CCDC91: variants seen among roughly 807,000 people sequenced by gnomAD.
CCDC91 encodes coiled-coil domain containing 91.
A neutral mutation model predicts 63.2 loss-of-function variants in CCDC91; 48 were observed. The ratio of observed to expected loss-of-function variants is 0.76; its 90% CI spans 0.60 to 0.97. CCDC91 has a LOEUF of 0.97. Among genes scored for constraint, CCDC91 ranks in the 50% least tolerant of loss-of-function variants. The probability of loss-of-function intolerance (pLI) is 0.00; values close to 1 mark genes in which losing one functional copy is unlikely to be tolerated. For synonymous variants in CCDC91, 167 were observed against 165.8 expected, an observed-to-expected ratio of 1.01 and a Z score of -0.06; for missense variants, 500 against 494.6, an observed-to-expected ratio of 1.01 and a Z score of -0.10.
chr12:28,427,062 A>T (rs1592642065), intron 8 of CCDC91, among the ~76,000 whole-genome samples: 1 of 151,558 alleles, frequency 6.6e-6, no homozygotes, highest in South Asian at 2.1e-4. Flanking sequence ...TTATACAGAG[A>T]CTTACAGCTC....
intron 12 of CCDC91, among the ~76,000 whole-genome samples, chr12:28,517,810 C>G (rs533335732): frequency 1.3e-5 from 2 of 151,824 alleles, no homozygotes; most frequent in Non-Finnish European, 2.9e-5. Context: ...CCCTGAGTCC[C>G]GAAAGTCCAC....
intron 1 of CCDC91, among the ~76,000 whole-genome samples, chr12:28,237,985 A>C (rs1192936003): frequency 6.6e-6 from 1 of 152,008 alleles, no homozygotes; most frequent in Non-Finnish European, 1.5e-5. Flanking sequence ...ATTAATTCTT[A>C]ATTTTTTCCC....
chr12:28,253,001 A>G (rs1946225601), intron 1 of CCDC91, among the ~76,000 whole-genome samples: 1 of 152,188 alleles, frequency 6.6e-6, no homozygotes, highest in Non-Finnish European at 1.5e-5. Context: ...TAAAATGCCC[A>G]ATGTAACACA....
chr12:28,344,585 G>C (rs1942675423), intron 6 of CCDC91, among the ~76,000 whole-genome samples: 1 of 152,078 alleles, frequency 6.6e-6, no homozygotes, highest in East Asian at 1.9e-4. Flanking sequence ...TATCCTCCCA[G>C]TTGTCATCAA....
chr12:28,278,199 A>G (rs1193037287), intron 3 of CCDC91, among the ~76,000 whole-genome samples: 3 of 151,876 alleles, frequency 2.0e-5, no homozygotes, highest in Non-Finnish European at 4.4e-5. Flanking sequence ...GGCATTTTAT[A>G]CTGTTAGCTA....
At chr12:28,327,481 C>G (rs991905107) in intron 6 of CCDC91, among the ~76,000 whole-genome samples, 1 of 152,088 alleles carries the variant, frequency 6.6e-6, no homozygotes, top group Non-Finnish European at 1.5e-5. Context: ...ATCTTCCTTG[C>G]ACTATGTAAA....
chr12:28,481,582 C>A (rs1365484883), intron 11 of CCDC91, among the ~76,000 whole-genome samples: 1 of 151,960 alleles, frequency 6.6e-6, no homozygotes, highest in Non-Finnish European at 1.5e-5. Context: ...TATTCACATA[C>A]CACTTGCATA....
intron 1 of CCDC91, among the ~76,000 whole-genome samples, chr12:28,231,062 A>C (rs1425970907): frequency 2.6e-5 from 4 of 152,168 alleles, no homozygotes; most frequent in African/African-American, 9.7e-5. Context: ...TTGATAGGAC[A>C]CTATACTAGA....
rs146297958 is a variant in CCDC91 at position 28,334,905 on chromosome 12, ATCAG to A, written c.576+27163_576+27166del. ...GATAGGTATATAGCCTGTTCGTTTC[ATCAG>A]TCAGTCTTCTAAAATGTCTCCTTAA... On this transcript the variant is annotated intron_variant, in intron 6 of 12. Coordinates refer to ENST00000536442, the MANE Select transcript of CCDC91 (RefSeq NM_018318.5). Among the ~76,000 whole-genome samples the A allele has an allele frequency of 1.5e-3, 231 of 151,836 alleles. 1 individual carries two copies. The highest frequency in any genetic ancestry group is 5.2e-3 in the African/African-American group (215 of 41,450).
At chr12:28,344,304 T>G (rs1256149862) in intron 6 of CCDC91, among the ~76,000 whole-genome samples, 2 of 152,092 alleles carry the variant, frequency 1.3e-5, no homozygotes, top group Non-Finnish European at 2.9e-5. Context: ...CAACAGATAA[T>G]ATTTGCCTAT....
intron 3 of CCDC91, among the ~76,000 whole-genome samples, chr12:28,300,689 A>G (rs1165546516): frequency 6.6e-6 from 1 of 151,526 alleles, no homozygotes; most frequent in Admixed American, 6.6e-5. Flanking sequence ...AAGCCTATAC[A>G]TTAATTAAGA....
Position 28,257,213 on chromosome 12 carries a change from A to C in CCDC91, c.-3A>C, listed in dbSNP as rs771939694. On this transcript the variant is annotated 5_prime_UTR_variant, in exon 2 of 13. Coordinates refer to ENST00000536442, the MANE Select transcript of CCDC91 (RefSeq NM_018318.5). ...CTTATATTTTTCAGGTGCCACTTGA[A>C]GAATGGATGATGATGATTTTGGTGG... The C allele has an allele frequency of 1.2e-6, 2 of 1,609,420 alleles. No homozygotes were observed. Among genetic ancestry groups the C allele is most frequent in the South Asian group, 2.2e-5 (2 of 90,964 alleles).
chr12:28,372,471 T>G (rs1336004738), intron 7 of CCDC91, among the ~76,000 whole-genome samples: 2 of 152,166 alleles, frequency 1.3e-5, no homozygotes, highest in East Asian at 3.9e-4. Flanking sequence ...ATGAGATGTA[T>G]TCTCATTTGT....
At position 28,286,253 on chromosome 12, in the gene CCDC91, G is replaced by C. The variant is rs1424216254; in HGVS notation, c.110-19396G>C. On this transcript the variant is annotated intron_variant, in intron 3 of 12. Coordinates refer to ENST00000536442, the MANE Select transcript of CCDC91 (RefSeq NM_018318.5). ...TTTAAGTTCAAGGTTACGTGTGAAG[G>C]TTTGTTATATAAGTAAACCTGTGCC... Among the ~76,000 whole-genome samples, 3 of 151,962 alleles carry C rather than the reference G, an allele frequency of 2.0e-5. No individual in the cohort carries two copies. The East Asian group carries it at 5.8e-4, about 29-fold the overall frequency.
At chr12:28,266,423 C>T (rs972325168) in intron 3 of CCDC91, among the ~76,000 whole-genome samples, 1 of 151,912 alleles carries the variant, frequency 6.6e-6, no homozygotes, top group Non-Finnish European at 1.5e-5. Flanking sequence ...ATTTTATTTT[C>T]TGGTCATAGT....
At chr12:28,507,226 G>A (rs1003152518) in intron 12 of CCDC91, among the ~76,000 whole-genome samples, 7 of 151,924 alleles carry the variant, frequency 4.6e-5, no homozygotes, top group African/African-American at 1.7e-4. Flanking sequence ...AACAATCTTA[G>A]TAATCCCAAG....
chr12:28,257,174 G>A lies in CCDC91; in HGVS notation c.-14-28G>A, dbSNP rs182331354. ...GACATAAATGACTGTGTGTGTGCGG[G>A]CTTGTTTCAATATCTTATATTTTTC... On this transcript the variant is annotated intron_variant, in intron 1 of 12. Coordinates refer to ENST00000536442, the MANE Select transcript of CCDC91 (RefSeq NM_018318.5). The A allele has an allele frequency of 2.4e-4, 360 of 1,491,790 alleles. 2 individuals carry two copies. In the East Asian group the frequency reaches 5.1e-3, roughly 21 times the overall value. 92.4% of individuals were successfully genotyped at this position (1,491,790 alleles called of 1,614,324 possible). A position where few individuals can be genotyped will look rare whatever the true frequency, so the allele number is the denominator to read the frequency against.
chr12:28,334,637 C>T (rs1489433376), intron 6 of CCDC91, among the ~76,000 whole-genome samples: 2 of 152,104 alleles, frequency 1.3e-5, no homozygotes, highest in Non-Finnish European at 2.9e-5. Context: ...ATTTTGGATA[C>T]TTTTATTTAC....
At chr12:28,543,256 GTGGGGGT>G (rs1942756645) in intron 12 of CCDC91, among the ~76,000 whole-genome samples, 2 of 152,054 alleles carry the variant, frequency 1.3e-5, no homozygotes, top group Non-Finnish European at 2.9e-5. Context: ...ATTCACAAGT[GTGGGGGT>G]AGGACTTGAA....
Sources: gnomAD v4.1 joint callset for allele counts (sites outside exome capture counted in the v4.1 genomes callset) on GRCh38, gnomAD v4.1.1 for gene constraint, MANE v1.5 for transcripts, NCBI Gene and HGNC (gene_info 2026-07-23, HGNC 2026-07-21) for gene names.